The following DOCK9 variants were observed in gnomAD, a reference collection of about 807,000 sequenced individuals.
DOCK9 encodes the protein dedicator of cytokinesis 9.
A neutral mutation model predicts 263.3 loss-of-function variants in DOCK9; 89 were observed. That is an observed-to-expected ratio of 0.34 (90% CI 0.28 to 0.40). The LOEUF (loss-of-function observed/expected upper bound fraction) is 0.40. Among genes scored for constraint, DOCK9 ranks in the 10% least tolerant of loss-of-function variants. The pLI is 1.00. For missense variants in DOCK9, 2,140 were observed against 2,603.4 expected, an observed-to-expected ratio of 0.82 and a Z score of 3.87; for synonymous variants, 976 against 973.1, an observed-to-expected ratio of 1.00 and a Z score of -0.06.
At chr13:98,872,941 G>A (rs1259936161) in intron 27 of DOCK9, among the ~76,000 whole-genome samples, 1 of 152,176 alleles carries the variant, frequency 6.6e-6, no homozygotes, top group Non-Finnish European at 1.5e-5. Flanking sequence ...GCTGCTCCCT[G>A]CCAGTGACTG....
chr13:98,802,909 A>T (rs1412748260), intron 49 of DOCK9, among the ~76,000 whole-genome samples: 3 of 152,150 alleles, frequency 2.0e-5, no homozygotes, highest in Admixed American at 2.0e-4. Context: ...AGCGGATGAA[A>T]TCTAGCAAAA....
At chr13:98,803,056 C>G (rs2090296035) in intron 49 of DOCK9, among the ~76,000 whole-genome samples, 1 of 152,180 alleles carries the variant, frequency 6.6e-6, no homozygotes, top group African/African-American at 2.4e-5. Context: ...CAAGGTCACA[C>G]AATGAGGCTG....
At chr13:98,980,756 G>A (rs374338669), upstream of DOCK9, among the ~76,000 whole-genome samples, 5 of 152,058 alleles carry the variant, frequency 3.3e-5, no homozygotes, top group African/African-American at 7.2e-5. Context: ...ATTACAAAGC[G>A]CTTCAGCAAC....
chr13:98,851,120 A>G (rs2093557098), intron 35 of DOCK9, among the ~76,000 whole-genome samples: 1 of 152,184 alleles, frequency 6.6e-6, no homozygotes, highest in South Asian at 2.1e-4. Context: ...TGCTCTCACA[A>G]TTTCACATAG....
chr13:98,898,666 T>C (rs2047797658), intron 13 of DOCK9, among the ~76,000 whole-genome samples: 1 of 152,226 alleles, frequency 6.6e-6, no homozygotes. Flanking sequence ...AGAACACTAA[T>C]TAAAATACTA....
rs773848213 is a variant in DOCK9 at position 98,905,714 on chromosome 13, GCTGCTTTGCCAATGGCATAGCCA to G, written c.961-1031_961-1009del. On this transcript the variant is annotated intron_variant, in intron 9 of 52. Coordinates refer to ENST00000682017, the MANE Select transcript of DOCK9 (RefSeq NM_001366683.2). ...AAATGGGCAACCAGCAGCCCACAGG[GCTGCTTTGCCAATGGCATAGCCA>G]TTCTTTATTTCTTTACTTTCTTAAT... is the stretch of plus-strand genomic sequence containing the variant. Among the ~76,000 whole-genome samples the G allele has an allele frequency of 3.5e-3, 534 of 152,102 alleles. 2 individuals carry two copies. The highest frequency in any genetic ancestry group is 0.012 in the African/African-American group (506 of 41,486).
chr13:98,963,456 A>G (rs1438875452), intron 1 of DOCK9, among the ~76,000 whole-genome samples: 1 of 152,212 alleles, frequency 6.6e-6, no homozygotes, highest in Non-Finnish European at 1.5e-5. Flanking sequence ...CCATGGGAAG[A>G]GCTAAGCTCC....
rs77401007 is a variant in DOCK9 at position 98,861,865 on chromosome 13, C to T, written c.3579+1154G>A. Among the ~76,000 whole-genome samples, 1,011 of 152,288 alleles carry T rather than the reference C, an allele frequency of 6.6e-3. 12 individuals carry two copies. The highest frequency in any genetic ancestry group is 0.045 in the South Asian group (216 of 4,822). On this transcript the variant is annotated intron_variant, in intron 32 of 52. Coordinates refer to ENST00000682017, the MANE Select transcript of DOCK9 (RefSeq NM_001366683.2). The stretch of plus-strand genomic sequence containing the variant: ...CAGTCAGTTCTTGGAGGTGGAGCCT[C>T]ATGTCCCTCACCTTGGCATCCCTGA...
chr13:99,065,944 G>T (rs1307305774), intron 1 of DOCK9, among the ~76,000 whole-genome samples: 1 of 152,148 alleles, frequency 6.6e-6, no homozygotes, highest in African/African-American at 2.4e-5. Context: ...AAATTTATCA[G>T]TTCAGATATA....
At chr13:99,025,768 T>C (rs1886634797) in intron 1 of DOCK9, among the ~76,000 whole-genome samples, 1 of 152,208 alleles carries the variant, frequency 6.6e-6, no homozygotes, top group Admixed American at 6.5e-5. Context: ...GCACTGTTCA[T>C]AATAAACAAA....
chr13:98,952,712 A>C (rs1421424133), intron 2 of DOCK9, among the ~76,000 whole-genome samples: 1 of 152,240 alleles, frequency 6.6e-6, no homozygotes, highest in Non-Finnish European at 1.5e-5. Context: ...GTAAAGGCTC[A>C]AGATCAACAT....
rs1310444223 is a variant in DOCK9 at position 98,847,962 on chromosome 13, A to G, written c.4061+630T>C. ...AAGGCGTGTCCAGCCACACAGCTGC[A>G]AGGAGTTTCTAGGAGGCTGGTTCTG... On this transcript the variant is annotated intron_variant, in intron 37 of 52. Coordinates refer to ENST00000682017, the MANE Select transcript of DOCK9 (RefSeq NM_001366683.2). Among the ~76,000 whole-genome samples the G allele has an allele frequency of 2.7e-4, 41 of 152,162 alleles. 1 individual carries two copies. Among genetic ancestry groups the G allele is most frequent in the Admixed American group, 2.7e-3 (41 of 15,286 alleles).
At chr13:98,843,462 G>A (rs1241744001) in intron 38 of DOCK9, among the ~76,000 whole-genome samples, 3 of 152,138 alleles carry the variant, frequency 2.0e-5, no homozygotes, top group African/African-American at 7.2e-5. Flanking sequence ...AAGAGCTAGC[G>A]GAGGGAAAAG....
chr13:98,822,206 G>A (rs1594348765), intron 45 of DOCK9, among the ~76,000 whole-genome samples: 1 of 152,254 alleles, frequency 6.6e-6, no homozygotes, highest in South Asian at 2.1e-4. Flanking sequence ...TGACGAATCC[G>A]TCTTCTGAAA....
Position 98,845,928 on chromosome 13 carries a change from G to T in DOCK9, c.4194C>A (p.Asn1398Lys). The T allele has an allele frequency of 6.2e-7, 1 of 1,613,438 alleles. No homozygotes were observed. Among genetic ancestry groups the T allele is most frequent in the Non-Finnish European group, 8.5e-7 (1 of 1,179,714 alleles). The change falls in exon 38 of 53, where the codon AAC (asparagine) becomes AAA (lysine). Residue 1398 changes from asparagine to lysine, a missense_variant. Asn to Lys is a moderately conservative substitution (Grantham distance 94, BLOSUM62 0). This residue lies in a region of DOCK9 where 1,521 missense variants were observed against 1,741.7 expected (regional missense o/e 0.87). Coordinates refer to ENST00000682017, the MANE Select transcript of DOCK9 (RefSeq NM_001366683.2). ...ATGGCATGTCATGGGACTTACTGTGGTTAAAAGTGAGAGAGTTATCCAGGC... is the reference window on the plus strand; with the variant it reads ...ATGGCATGTCATGGGACTTACTGTGTTTAAAAGTGAGAGAGTTATCCAGGC... ...LGSLDNSLTF[N>K]HSYGHSDADV...
intron 1 of DOCK9, among the ~76,000 whole-genome samples, chr13:98,994,092 TTAAAA>T (rs1239044100): frequency 6.6e-6 from 1 of 152,154 alleles, no homozygotes; most frequent in Non-Finnish European, 1.5e-5. Flanking sequence ...TAAAAAAACT[TTAAAA>T]TAAAAAAATA....
chr13:98,965,975 G>A (rs1215062152), intron 1 of DOCK9, among the ~76,000 whole-genome samples: 1 of 152,122 alleles, frequency 6.6e-6, no homozygotes, highest in South Asian at 2.1e-4. Context: ...ATCTGATTTT[G>A]TCAAATCAAT....
intron 2 of DOCK9, among the ~76,000 whole-genome samples, chr13:98,937,606 A>G (rs2055092340): frequency 1.3e-5 from 2 of 152,186 alleles, no homozygotes; most frequent in Admixed American, 6.5e-5. Flanking sequence ...AGGCATAATT[A>G]AAAAGGAAGA....
At chr13:99,058,053 T>C (rs942825681) in intron 1 of DOCK9, among the ~76,000 whole-genome samples, 3 of 151,862 alleles carry the variant, frequency 2.0e-5, no homozygotes, top group Non-Finnish European at 4.4e-5. Context: ...AATATCTCTC[T>C]CAAACTGTAC....
Sources: allele counts gnomAD v4.1 joint callset (sites outside exome capture counted in the v4.1 genomes callset), GRCh38; gene constraint gnomAD v4.1.1; regional missense constraint gnomAD v4.1.1; transcripts MANE v1.5; gene names NCBI Gene and HGNC (gene_info 2026-07-23, HGNC 2026-07-21).